The following MTMR12 variants were observed in gnomAD, a reference collection of about 807,000 sequenced individuals.
MTMR12 encodes myotubularin-related protein 12.
MTMR12 carries 33 observed loss-of-function variants against 96.7 expected under a neutral mutation model. The ratio of observed to expected loss-of-function variants is 0.34; its 90% CI spans 0.26 to 0.46. The LOEUF is 0.46. MTMR12 is among the 20% of genes least tolerant of loss of function. The pLI, the probability that MTMR12 is intolerant of heterozygous loss-of-function variation, is 1.00. For missense variants in MTMR12, 721 were observed against 896.1 expected, an observed-to-expected ratio of 0.80 and a Z score of 2.49; for synonymous variants, 298 against 327.2, an observed-to-expected ratio of 0.91 and a Z score of 0.96.
At chr5:32,296,745 G>A (rs773049818) in intron 1 of MTMR12, among the ~76,000 whole-genome samples, 2 of 151,392 alleles carry the variant, frequency 1.3e-5, no homozygotes, top group African/African-American at 2.4e-5. Context: ...AGGTTGCAGT[G>A]AGCTATGATC....
rs559218964 is a variant in MTMR12, at chr5:32,248,962, G to C, written c.790-84C>G. On this transcript the variant is annotated intron_variant, in intron 8 of 15. Coordinates refer to ENST00000382142, the MANE Select transcript of MTMR12 (RefSeq NM_001040446.3). ...TAAGCTTAGCATTTAAATGCATACA[G>C]GGAAATCTGTAACTTCAGTATGAAA... 71 of 1,024,054 alleles carry C rather than the reference G, an allele frequency of 6.9e-5. No homozygotes were observed. In the African/African-American group the frequency reaches 1.0e-3, roughly 15 times the overall value. 63.4% of individuals were successfully genotyped at this position (1,024,054 alleles called of 1,614,324 possible).
intron 1 of MTMR12, among the ~76,000 whole-genome samples, chr5:32,296,176 C>A (rs1043471276): frequency 6.6e-6 from 1 of 151,468 alleles, no homozygotes; most frequent in African/African-American, 2.4e-5. Context: ...AAAACAAACA[C>A]TTTATTAAGA....
chr5:32,304,060 C>T (rs1188189705), intron 1 of MTMR12, among the ~76,000 whole-genome samples: 3 of 152,088 alleles, frequency 2.0e-5, no homozygotes, highest in East Asian at 3.9e-4. Context: ...CAGTAGCTCA[C>T]GCCTGTAATC....
chr5:32,306,740 C>A (rs912904235), intron 1 of MTMR12, among the ~76,000 whole-genome samples: 59 of 152,250 alleles, frequency 3.9e-4, no homozygotes, highest in Admixed American at 9.2e-4. Flanking sequence ...AGATATTAAA[C>A]TTTACAGGGC....
chr5:32,304,372 G>A (rs1465097949), intron 1 of MTMR12, among the ~76,000 whole-genome samples: 2 of 151,786 alleles, frequency 1.3e-5, no homozygotes, highest in Non-Finnish European at 1.5e-5. Flanking sequence ...ACACACTCAC[G>A]AACAAAACAC....
intron 10 of MTMR12, among the ~76,000 whole-genome samples, chr5:32,244,722 T>C (rs1748610851): frequency 1.3e-5 from 2 of 152,384 alleles, no homozygotes; most frequent in South Asian, 4.1e-4. Context: ...TGTAATGTTT[T>C]AGTTTGAGTT....
chr5:32,310,716 A>C (rs942242257), intron 1 of MTMR12, among the ~76,000 whole-genome samples: 5 of 152,124 alleles, frequency 3.3e-5, no homozygotes, highest in Non-Finnish European at 5.9e-5. Context: ...AAGATCTAGT[A>C]AGTGATAGCA....
chr5:32,270,802 C>A lies in MTMR12; in HGVS notation c.489+15G>T, dbSNP rs374631701. The stretch of plus-strand genomic sequence containing the variant: ...TGATGGGAAATAAAACCTAAAAACA[C>A]ATGCAACTAGTTACCCTTTTGACTT... On this transcript the variant is annotated intron_variant, in intron 5 of 15. Coordinates refer to ENST00000382142, the MANE Select transcript of MTMR12 (RefSeq NM_001040446.3). 1.3e-6 allele frequency: 2 copies of A among 1,592,446 alleles called. No homozygotes were observed. The highest frequency in any genetic ancestry group is 1.7e-6 in the Non-Finnish European group (2 of 1,171,360).
intron 1 of MTMR12, among the ~76,000 whole-genome samples, chr5:32,297,853 T>C (rs1025791177): frequency 1.3e-5 from 2 of 152,192 alleles, no homozygotes; most frequent in African/African-American, 2.4e-5. Flanking sequence ...AACAGTTAAC[T>C]GGCTTGATTC....
chr5:32,265,612 A>G (rs972001356), intron 6 of MTMR12, among the ~76,000 whole-genome samples: 3 of 152,274 alleles, frequency 2.0e-5, no homozygotes, highest in Non-Finnish European at 2.9e-5. Context: ...ACTTGTATAT[A>G]TAGTTGCAGT....
At chr5:32,307,277 CAAGA>C (rs149995757) in intron 1 of MTMR12, among the ~76,000 whole-genome samples, 2,074 of 152,114 alleles carry the variant, frequency 0.014, 55 homozygotes, top group African/African-American at 0.048. Flanking sequence ...TTTTATTTAA[CAAGA>C]AAGATGGATT....
chr5:32,279,602 A>T (rs1247799103), intron 1 of MTMR12, among the ~76,000 whole-genome samples: 2 of 152,244 alleles, frequency 1.3e-5, no homozygotes, highest in African/African-American at 4.8e-5. Flanking sequence ...AGAACAAATA[A>T]GAAAAATTCC....
chr5:32,242,250 C>A (rs548168378), intron 11 of MTMR12, 123 bp from the exon 12 acceptor site: 5 of 524,518 alleles, frequency 9.5e-6, no homozygotes, highest in Non-Finnish European at 1.3e-5. Context: ...TTTTTTTCCA[C>A]GCTAAAATCC....
intron 1 of MTMR12, among the ~76,000 whole-genome samples, chr5:32,306,061 A>G (rs2112166958): frequency 6.6e-6 from 1 of 152,362 alleles, no homozygotes; most frequent in South Asian, 2.1e-4. Context: ...AGCAAAAGCC[A>G]AAAAAGAAAT....
At chr5:32,280,980 G>A (rs965758770) in intron 1 of MTMR12, among the ~76,000 whole-genome samples, 3 of 151,884 alleles carry the variant, frequency 2.0e-5, no homozygotes, top group Non-Finnish European at 2.9e-5. Context: ...GGGTGTGGTG[G>A]CTCACACCAG....
At chr5:32,235,903 C>T (rs1051552176) in intron 13 of MTMR12, among the ~76,000 whole-genome samples, 4 of 152,254 alleles carry the variant, frequency 2.6e-5, no homozygotes, top group Admixed American at 2.6e-4. Flanking sequence ...TTAGTCTCTC[C>T]CTTACAAAGG....
At chr5:32,310,732 G>C (rs985201708) in intron 1 of MTMR12, among the ~76,000 whole-genome samples, 1 of 152,154 alleles carries the variant, frequency 6.6e-6, no homozygotes, top group African/African-American at 2.4e-5. Flanking sequence ...TAGCACAACA[G>C]GGTGACTACA....
intron 1 of MTMR12, among the ~76,000 whole-genome samples, chr5:32,308,120 G>A (rs761544793): frequency 1.8e-4 from 28 of 152,052 alleles, no homozygotes; most frequent in Non-Finnish European, 2.9e-4. Context: ...TCAGGAGTTC[G>A]AGACCAGCCT....
chr5:32,242,218 T>G (rs996553032), intron 11 of MTMR12, 91 bp from the exon 12 acceptor site: 1 of 853,054 alleles, frequency 1.2e-6, no homozygotes, highest in Non-Finnish European at 1.8e-6. Flanking sequence ...TGACTTGATC[T>G]TCAGTCTTCT....
Sources: allele counts gnomAD v4.1 joint callset (sites outside exome capture counted in the v4.1 genomes callset), GRCh38; gene constraint gnomAD v4.1.1; transcripts MANE v1.5; gene names NCBI Gene and HGNC (gene_info 2026-07-23, HGNC 2026-07-21).